GALNT13: variants seen among roughly 807,000 people sequenced by gnomAD.
GALNT13 encodes the protein polypeptide N-acetylgalactosaminyltransferase 13, also known as UDP-GalNAc:polypeptide N-acetylgalactosaminyltransferase 13.
A neutral mutation model predicts 64.2 loss-of-function variants in GALNT13; 28 were observed. That is an observed-to-expected ratio of 0.44 (90% CI 0.32 to 0.60). GALNT13 has a LOEUF of 0.60. Among genes scored for constraint, GALNT13 ranks in the 20% least tolerant of loss-of-function variants. GALNT13 has a pLI of 0.05. For synonymous variants in GALNT13, 214 were observed against 224.6 expected, an observed-to-expected ratio of 0.95 and a Z score of 0.42; for missense variants, 577 against 669.8, an observed-to-expected ratio of 0.86 and a Z score of 1.53.
chr2:153,929,714 T>C (rs1358065306), intron 2 of GALNT13, among the ~76,000 whole-genome samples: 1 of 152,170 alleles, frequency 6.6e-6, no homozygotes, highest in Non-Finnish European at 1.5e-5. Context: ...TTCCATGGTG[T>C]GTATTTAGCA....
chr2:153,146,090 A>G, the GALNT13 span, among the ~76,000 whole-genome samples: 115 of 151,828 alleles, frequency 7.6e-4, no homozygotes, highest in Non-Finnish European at 1.3e-3. Flanking sequence ...TCTTTTCTCC[A>G]TCAGGACCTA....
the GALNT13 span, among the ~76,000 whole-genome samples, chr2:153,596,192 A>AG: frequency 1.3e-5 from 2 of 152,200 alleles, no homozygotes; most frequent in Admixed American, 1.3e-4. Context: ...GAGTTCTGAG[A>AG]GGGAGTGTTC....
At chr2:154,423,620 C>T in intron 11 of GALNT13, among the ~76,000 whole-genome samples, 1 of 152,112 alleles carries the variant, frequency 6.6e-6, no homozygotes, top group South Asian at 2.1e-4. Context: ...ACTTATAAAT[C>T]TAACATAAAT....
At chr2:153,343,618 G>C in the GALNT13 span, among the ~76,000 whole-genome samples, 1 of 152,048 alleles carries the variant, frequency 6.6e-6, no homozygotes, top group African/African-American at 2.4e-5. Flanking sequence ...TGGATATTTA[G>C]CTCATTCTTG....
At chr2:154,000,076 G>A (rs930817971) in intron 3 of GALNT13, among the ~76,000 whole-genome samples, 1 of 151,212 alleles carries the variant, frequency 6.6e-6, no homozygotes, top group Non-Finnish European at 1.5e-5. Flanking sequence ...GGTTGTATTT[G>A]TCCAGGAATT....
chr2:154,356,704 C>A (rs528866535), intron 9 of GALNT13, among the ~76,000 whole-genome samples: 1 of 151,800 alleles, frequency 6.6e-6, no homozygotes, highest in African/African-American at 2.4e-5. Flanking sequence ...TTTTTATTAC[C>A]TTTGCCATAT....
the GALNT13 span, among the ~76,000 whole-genome samples, chr2:153,512,070 A>G: frequency 6.6e-6 from 1 of 152,300 alleles, no homozygotes; most frequent in Admixed American, 6.5e-5. Flanking sequence ...GGTCAGGGTC[A>G]ATGGAGGAGT....
the GALNT13 span, among the ~76,000 whole-genome samples, chr2:153,231,965 A>G: frequency 6.6e-6 from 1 of 152,028 alleles, no homozygotes; most frequent in African/African-American, 2.4e-5. Flanking sequence ...ATGCCTTCTT[A>G]TTTTTTGTGG....
chr2:153,910,525 G>A (rs1688865841), intron 2 of GALNT13, among the ~76,000 whole-genome samples: 1 of 151,866 alleles, frequency 6.6e-6, no homozygotes, highest in South Asian at 2.1e-4. Context: ...ATTTGTGATG[G>A]TGGGTTGTTA....
intron 4 of GALNT13, among the ~76,000 whole-genome samples, chr2:154,216,980 A>G (rs1688083077): frequency 6.7e-6 from 1 of 149,480 alleles, no homozygotes; most frequent in African/African-American, 2.5e-5. Flanking sequence ...TTTTTTAGAG[A>G]TGGGGTCTTG....
At chr2:153,255,550 G>C in the GALNT13 span, among the ~76,000 whole-genome samples, 4 of 151,698 alleles carry the variant, frequency 2.6e-5, no homozygotes, top group Non-Finnish European at 5.9e-5. Flanking sequence ...AGTTGATGCA[G>C]TTTCTTCCTA....
At chr2:154,261,287 C>G (rs898365751) in intron 8 of GALNT13, among the ~76,000 whole-genome samples, 2 of 152,126 alleles carry the variant, frequency 1.3e-5, no homozygotes, top group African/African-American at 2.4e-5. Flanking sequence ...TTATCAGTGA[C>G]TATTTTAAAA....
intron 4 of GALNT13, among the ~76,000 whole-genome samples, chr2:154,163,501 ATTCTTTAGTACGGTG>A (rs1481245736): frequency 9.2e-5 from 14 of 152,130 alleles, no homozygotes; most frequent in Admixed American, 9.2e-4. Flanking sequence ...CTCAACCCAC[ATTCTTTAGTACGGTG>A]TTCTGTTACC....
chr2:153,710,771 C>CTA, the GALNT13 span, among the ~76,000 whole-genome samples: 19 of 152,034 alleles, frequency 1.2e-4, no homozygotes, highest in African/African-American at 4.6e-4. Flanking sequence ...ACATTGGGAA[C>CTA]TATTTAACTG....
chr2:154,229,149 T>G (rs1436835021), intron 4 of GALNT13, among the ~76,000 whole-genome samples: 5 of 151,988 alleles, frequency 3.3e-5, no homozygotes, highest in Admixed American at 2.6e-4. Flanking sequence ...AAAAAATGCT[T>G]CTCTGAATGT....
the GALNT13 span, among the ~76,000 whole-genome samples, chr2:153,611,473 A>G: frequency 6.6e-6 from 1 of 151,874 alleles, no homozygotes; most frequent in Non-Finnish European, 1.5e-5. Flanking sequence ...GGTTCAAGCA[A>G]TTCTCCAGCC....
intron 3 of GALNT13, among the ~76,000 whole-genome samples, chr2:154,061,511 A>G (rs187660925): frequency 1.7e-4 from 26 of 152,272 alleles, no homozygotes; most frequent in Non-Finnish European, 2.8e-4. Flanking sequence ...CTTTAATTCT[A>G]AAAATAAACA....
At chr2:153,098,040 T>G in the GALNT13 span, among the ~76,000 whole-genome samples, 1 of 152,330 alleles carries the variant, frequency 6.6e-6, no homozygotes, top group South Asian at 2.1e-4. Context: ...CACTCCAGCC[T>G]GGGCAACAGA....
the GALNT13 span, among the ~76,000 whole-genome samples, chr2:153,325,219 A>AT: frequency 1.9e-4 from 24 of 125,548 alleles, no homozygotes; most frequent in African/African-American, 6.4e-4. Context: ...TTCCTTGTTT[A>AT]GTCTTGGGAG....
Sources: allele counts gnomAD v4.1 joint callset (sites outside exome capture counted in the v4.1 genomes callset), GRCh38; gene constraint gnomAD v4.1.1; transcripts MANE v1.5; gene names NCBI Gene and HGNC (gene_info 2026-07-23, HGNC 2026-07-21).